PRH1: variants seen among roughly 807,000 people sequenced by gnomAD.
PRH1 encodes the protein salivary acidic proline-rich phosphoprotein 1/2.
Under a neutral mutation model 7.9 loss-of-function variants are expected in PRH1, and 7 were observed. That is an observed-to-expected ratio of 0.89 (90% CI 0.50 to 1.67). PRH1 has a LOEUF of 1.67. PRH1 is among the 40% of genes most tolerant of loss of function. The pLI, the probability that PRH1 is intolerant of heterozygous loss-of-function variation, is 0.00. For synonymous variants in PRH1, 45 were observed against 80.8 expected, an observed-to-expected ratio of 0.56 and a Z score of 2.38; for missense variants, 109 against 223.6, an observed-to-expected ratio of 0.49 and a Z score of 3.27.
chr12:11,153,375 A>T (rs1391912097), intron 1 of PRH1, among the ~76,000 whole-genome samples: 1 of 152,250 alleles, frequency 6.6e-6, no homozygotes, highest in East Asian at 1.9e-4. Context: ...TCTGCAATAA[A>T]TAAATCATCT....
Position 10,975,220 on chromosome 12 carries a change from C to A in PRH1, c.-125-1499G>T, listed in dbSNP as rs759028674. 4.6e-5 allele frequency among the ~76,000 whole-genome samples: 7 copies of A among 152,192 alleles called. No individual in the cohort carries two copies. In the East Asian group the frequency reaches 1.3e-3, roughly 29 times the overall value. On this transcript the variant is annotated intron_variant, in intron 1 of 3. Coordinates refer to the PRH1 transcript ENST00000539853. ...GAACCCCATCAGGCTAACAATGGACCTTTTAGTAGAAGCCCTACAAACAGA... is the reference window on the plus strand; with the variant it reads ...GAACCCCATCAGGCTAACAATGGACATTTTAGTAGAAGCCCTACAAACAGA...
chr12:11,040,856 G>A (rs965528131), intron 1 of PRH1, among the ~76,000 whole-genome samples: 3 of 152,138 alleles, frequency 2.0e-5, no homozygotes, highest in African/African-American at 4.8e-5. Flanking sequence ...GTTTGCTTAT[G>A]TAAACAGTAC....
At chr12:10,922,043 T>C (rs531915732) in intron 2 of PRH1, among the ~76,000 whole-genome samples, 19 of 152,324 alleles carry the variant, frequency 1.2e-4, no homozygotes, top group African/African-American at 4.6e-4. Flanking sequence ...GTTCGGGGAT[T>C]ACAGGCAGGT....
chr12:10,929,550 T>C (rs1346992523), intron 2 of PRH1, among the ~76,000 whole-genome samples: 4 of 152,148 alleles, frequency 2.6e-5, no homozygotes, highest in African/African-American at 9.7e-5. Flanking sequence ...AAAGAATTTG[T>C]ACCGGGGGAG....
At chr12:11,140,586 C>G (rs972204967) in intron 1 of PRH1, among the ~76,000 whole-genome samples, 5 of 152,104 alleles carry the variant, frequency 3.3e-5, no homozygotes, top group African/African-American at 1.2e-4. Flanking sequence ...TTATGGAAAA[C>G]ATGATAATTT....
chr12:11,089,897 T>C lies in PRH1; in HGVS notation n.124-42709A>G, dbSNP rs913587200. On this transcript the variant is annotated intron_variant and non_coding_transcript_variant, in intron 1 of 4. Transcript: ENST00000541977. ...TATTATTGTGATATTTCCCCTAAAA[T>C]TGTGGAATAGCCAAACTTTTCCTTA... 1.7e-5 allele frequency among the ~76,000 whole-genome samples: 2 copies of C among 116,936 alleles called. 1 individual carries two copies. The highest frequency in any genetic ancestry group is 1.7e-4 in the Admixed American group (2 of 11,632). 76.7% of individuals were successfully genotyped at this position (116,936 alleles called of 152,430 possible).
intron 1 of PRH1, chr12:11,021,992 A>C: frequency 1.3e-6 from 2 of 1,594,272 alleles, no homozygotes; most frequent in Non-Finnish European, 1.7e-6. Flanking sequence ...AGCAGAAAAC[A>C]TATTAGGCTC....
intron 1 of PRH1, among the ~76,000 whole-genome samples, chr12:11,074,974 A>T (rs1276196728): frequency 6.6e-6 from 1 of 151,572 alleles, no homozygotes; most frequent in Admixed American, 6.6e-5. Context: ...CGGCAAAGTC[A>T]TGTCAACATC....
At chr12:10,991,947 G>A (rs982280851) in intron 1 of PRH1, among the ~76,000 whole-genome samples, 1 of 152,210 alleles carries the variant, frequency 6.6e-6, no homozygotes, top group Admixed American at 6.5e-5. Context: ...TAATGGAGTG[G>A]TGACAGTAAC....
At chr12:11,147,828 T>A (rs1444303954) in intron 1 of PRH1, among the ~76,000 whole-genome samples, 1 of 152,140 alleles carries the variant, frequency 6.6e-6, no homozygotes, top group East Asian at 1.9e-4. Context: ...GTGAAGAAAG[T>A]CATTGTTAGC....
At chr12:11,165,431 T>A (rs1947544472) in intron 1 of PRH1, among the ~76,000 whole-genome samples, 1 of 152,216 alleles carries the variant, frequency 6.6e-6, no homozygotes, top group Non-Finnish European at 1.5e-5. Context: ...ATCTTTCACC[T>A]CCAATACTGC....
At chr12:10,886,339 A>G (rs750562475), upstream of PRH1, among the ~76,000 whole-genome samples, 4 of 152,206 alleles carry the variant, frequency 2.6e-5, no homozygotes, top group Non-Finnish European at 4.4e-5. Flanking sequence ...AGGAAGCTGC[A>G]GGCCTGGTGC....
intron 2 of PRH1, among the ~76,000 whole-genome samples, chr12:10,902,899 A>G (rs182741465): frequency 1.3e-5 from 2 of 152,262 alleles, no homozygotes; most frequent in East Asian, 3.9e-4. Context: ...TCTGCTACCA[A>G]AATAGCACAC....
intron 1 of PRH1, among the ~76,000 whole-genome samples, chr12:11,101,024 C>A (rs1218206715): frequency 1.3e-5 from 2 of 151,754 alleles, no homozygotes; most frequent in African/African-American, 2.4e-5. Context: ...ATTGTAAATT[C>A]CTGAATTTCT....
intron 2 of PRH1, among the ~76,000 whole-genome samples, chr12:10,904,093 C>T (rs1054128567): frequency 1.3e-4 from 20 of 151,420 alleles, no homozygotes; most frequent in African/African-American, 1.9e-4. Context: ...AATGGTTGTA[C>T]GGCCCAAAGC....
intron 2 of PRH1, among the ~76,000 whole-genome samples, chr12:10,968,825 T>C (rs571644112): frequency 2.3e-4 from 35 of 152,130 alleles, no homozygotes; most frequent in African/African-American, 8.2e-4. Flanking sequence ...TCTGGGGGGG[T>C]GCCCGCACCC....
chr12:11,047,841 C>G (rs80255201), upstream of PRH1, among the ~76,000 whole-genome samples: 3 of 121,176 alleles, frequency 2.5e-5, no homozygotes, highest in Admixed American at 8.8e-5. Flanking sequence ...AAAACCTACC[C>G]CAAAGATCCA....
intron 1 of PRH1, among the ~76,000 whole-genome samples, chr12:11,089,343 G>C (rs1272788487): frequency 8.6e-6 from 1 of 115,922 alleles, no homozygotes; most frequent in African/African-American, 2.9e-5. Flanking sequence ...ACTAATGACA[G>C]CCGAGCAGAT....
intron 1 of PRH1, chr12:10,973,797 T>A (rs1216623573): frequency 1.4e-6 from 1 of 722,438 alleles, no homozygotes; most frequent in Non-Finnish European, 2.6e-6. Context: ...GAGGGCCAGC[T>A]AAACTAAAAT....
Sources: gnomAD v4.1 joint callset for allele counts (sites outside exome capture counted in the v4.1 genomes callset) on GRCh38, gnomAD v4.1.1 for gene constraint, MANE v1.5 for transcripts, NCBI Gene and HGNC (gene_info 2026-07-23, HGNC 2026-07-21) for gene names.